Variants in ITSN1 observed in about 807,000 individuals in gnomAD.
The protein encoded by ITSN1 is intersectin 1, also known as intersectin-1.
In ITSN1, 58 loss-of-function variants were observed where a neutral mutation model predicts 239.8. The observed-to-expected ratio is 0.24, with a 90% CI of 0.20 to 0.30. The LOEUF (loss-of-function observed/expected upper bound fraction) is 0.30, where lower values mean the gene tolerates loss of function less well. ITSN1 is among the 10% of genes least tolerant of loss of function. The pLI is 1.00. For missense variants in ITSN1, 1,558 were observed against 2,103.3 expected (o/e 0.74, Z 5.07); for synonymous variants, 780 against 770.8 (o/e 1.01, Z -0.20).
intron 11 of ITSN1, 87 bp downstream of exon 11, chr21:33,767,915 A>G (rs117832917): frequency 5.6e-6 from 4 of 716,350 alleles, no homozygotes; most frequent in Non-Finnish European, 9.2e-6. Context: ...AGAGGTAAAC[A>G]TAAATTTAGT....
chr21:33,750,092 T>C, intron 5 of ITSN1, 51 bp from the exon 6 acceptor site: 1 of 1,514,274 alleles, frequency 6.6e-7, no homozygotes, highest in African/African-American at 1.4e-5. Context: ...TATTATTCAG[T>C]GTTGAAATGT....
At chr21:33,763,633 T>C (rs2068523527) in intron 9 of ITSN1, among the ~76,000 whole-genome samples, 2 of 152,132 alleles carry the variant, frequency 1.3e-5, no homozygotes, top group Admixed American at 1.3e-4. Flanking sequence ...TTTTTTTTGT[T>C]TTGTTGTTTT....
intron 29 of ITSN1, 118 bp downstream of exon 29, chr21:33,836,750 A>G: frequency 1.2e-6 from 1 of 866,102 alleles, no homozygotes; most frequent in Non-Finnish European, 1.8e-6. Flanking sequence ...CCATTGCTGC[A>G]TTCGCAGTCG....
At chr21:33,832,133 T>C (rs1463014032) in intron 27 of ITSN1, among the ~76,000 whole-genome samples, 1 of 152,124 alleles carries the variant, frequency 6.6e-6, no homozygotes, top group Non-Finnish European at 1.5e-5. Flanking sequence ...CACTCCAGCC[T>C]CTTTGAAACA....
intron 16 of ITSN1, among the ~76,000 whole-genome samples, chr21:33,788,660 AC>A (rs556675610): frequency 1.8e-4 from 28 of 152,260 alleles, no homozygotes; most frequent in African/African-American, 6.7e-4. Context: ...GAACTTCATC[AC>A]GGCAGAGGAT....
chr21:33,677,061 C>A (rs796520879), intron 1 of ITSN1, among the ~76,000 whole-genome samples: 11 of 151,924 alleles, frequency 7.2e-5, no homozygotes, highest in African/African-American at 2.7e-4. Context: ...ATGTAAATGA[C>A]AAATTAATGG....
At chr21:33,884,558 G>T (rs768009213) in intron 36 of ITSN1, among the ~76,000 whole-genome samples, 8 of 152,166 alleles carry the variant, frequency 5.3e-5, no homozygotes, top group Admixed American at 1.3e-4. Context: ...TGTGCATATG[G>T]TTCTCAGAAA....
At chr21:33,714,415 T>G (rs1188094576) in intron 1 of ITSN1, among the ~76,000 whole-genome samples, 6 of 152,092 alleles carry the variant, frequency 3.9e-5, no homozygotes, top group Non-Finnish European at 8.8e-5. Context: ...CATAGTGAGG[T>G]GAAGGCTTTT....
At chr21:33,799,299 G>A (rs1357190588) in intron 18 of ITSN1, among the ~76,000 whole-genome samples, 1 of 152,124 alleles carries the variant, frequency 6.6e-6, no homozygotes, top group Non-Finnish European at 1.5e-5. Flanking sequence ...ACCAAAATCA[G>A]CACTTAGTTT....
chr21:33,871,725 G>A (rs919977579), intron 33 of ITSN1, among the ~76,000 whole-genome samples: 2 of 148,164 alleles, frequency 1.3e-5, no homozygotes, highest in African/African-American at 4.9e-5. Context: ...TGGCGACAGA[G>A]CGAGACTCAG....
chr21:33,844,871 C>T (rs1229570348), intron 29 of ITSN1, among the ~76,000 whole-genome samples: 1 of 152,096 alleles, frequency 6.6e-6, no homozygotes, highest in Non-Finnish European at 1.5e-5. Context: ...TTCCTCCCTC[C>T]ATCCCATTCT....
Position 33,794,286 on chromosome 21 carries a change from G to A in ITSN1, c.1825-55G>A, listed in dbSNP as rs1408613841. On this transcript the variant is annotated intron_variant, in intron 16 of 39. Transcript: ENST00000381318. ...ATGAAATGTTGCATGCTGATAAATA[G>A]TTGATGTACCTGTCACTCATGTCGC... 3.1e-6 allele frequency: 4 copies of A among 1,306,514 alleles called. No homozygotes were observed. In the Admixed American group the frequency reaches 5.4e-5, roughly 18 times the overall value. The allele number at this position is 1,306,514 out of a possible 1,614,324, so 80.9% of individuals were successfully genotyped here.
Position 33,799,923 on chromosome 21 carries a change from A to G in ITSN1, c.2298A>G (p.Ile766Met). Reference sequence around the variant, plus strand: ...AAATCACTATCCAGCCAGGAGACATAGTCATGGTAAGAAAGACTCCAGTGA... The same window carrying G: ...AAATCACTATCCAGCCAGGAGACATGGTCATGGTAAGAAAGACTCCAGTGA... ...HDEITIQPGD[I>M]VMVKGEWVDE... Residue 766 changes from isoleucine (I) to methionine (M), a missense_variant, in exon 19 of 40, where the codon ATA (isoleucine) becomes ATG (methionine). Physicochemically the swap from Ile to Met is conservative, Grantham distance 10. This residue lies in a region of ITSN1 where 982 missense variants were observed against 1,209.9 expected (regional missense o/e 0.81). Transcript: ENST00000381318. 1 of 1,613,544 alleles carries G rather than the reference A, an allele frequency of 6.2e-7. No homozygotes were observed. The highest frequency in any genetic ancestry group is 8.5e-7 in the Non-Finnish European group (1 of 1,179,782).
chr21:33,832,649 G>A (rs1338341038), intron 27 of ITSN1, among the ~76,000 whole-genome samples: 1 of 152,028 alleles, frequency 6.6e-6, no homozygotes. Flanking sequence ...TGGTATACTC[G>A]GTAGATAAAC....
intron 4 of ITSN1, among the ~76,000 whole-genome samples, chr21:33,727,409 C>T (rs1282259929): frequency 6.6e-6 from 1 of 151,630 alleles, no homozygotes; most frequent in Non-Finnish European, 1.5e-5. Flanking sequence ...TGAGGGAGCA[C>T]TACCTGGAAA....
At chr21:33,693,774 G>C (rs1353957759) in intron 1 of ITSN1, among the ~76,000 whole-genome samples, 1 of 152,156 alleles carries the variant, frequency 6.6e-6, no homozygotes, top group African/African-American at 2.4e-5. Flanking sequence ...AGTCAGGGTT[G>C]GTAGCTTTTT....
At chr21:33,791,511 T>A (rs1041401564) in intron 16 of ITSN1, among the ~76,000 whole-genome samples, 1 of 152,256 alleles carries the variant, frequency 6.6e-6, no homozygotes, top group East Asian at 1.9e-4. Context: ...AAAAATTATT[T>A]TTGAAACTGT....
chr21:33,664,538 G>A (rs2089794763), intron 1 of ITSN1, among the ~76,000 whole-genome samples: 1 of 152,098 alleles, frequency 6.6e-6, no homozygotes, highest in African/African-American at 2.4e-5. Flanking sequence ...GCCACAGTGG[G>A]GACCAAATTT....
chr21:33,760,647 G>A (rs1000447585), intron 8 of ITSN1, among the ~76,000 whole-genome samples: 1 of 152,164 alleles, frequency 6.6e-6, no homozygotes, highest in Non-Finnish European at 1.5e-5. Flanking sequence ...ACTAAGCCAG[G>A]ACTAGAGCCT....
Sources: allele counts gnomAD v4.1 joint callset (sites outside exome capture counted in the v4.1 genomes callset), GRCh38; gene constraint gnomAD v4.1.1; regional missense constraint gnomAD v4.1.1; transcripts MANE v1.5; gene names NCBI Gene and HGNC (gene_info 2026-07-23, HGNC 2026-07-21).